NPSR1: variants seen among roughly 807,000 people sequenced by gnomAD.
NPSR1 encodes the protein neuropeptide S receptor.
NPSR1 carries 48 observed loss-of-function variants against 46.9 expected under a neutral mutation model. That is an observed-to-expected ratio of 1.02 (90% CI 0.81 to 1.30). The LOEUF is 1.30. Ranked by LOEUF, NPSR1 falls within the 50% of genes most tolerant of loss-of-function variation. The pLI is 0.00. For synonymous variants in NPSR1, 176 were observed against 168.1 expected (o/e 1.05, Z -0.36); for missense variants, 450 against 449.5 (o/e 1.00, Z -0.01).
intron 2 of NPSR1, chr7:34,751,036 G>A (rs982257364): frequency 2.6e-6 from 2 of 773,868 alleles, no homozygotes; most frequent in Non-Finnish European, 4.8e-6. Context: ...TGAGACTCAG[G>A]GTTGATGAGC....
chr7:34,675,818 G>A (rs1792285284), intron 1 of NPSR1, among the ~76,000 whole-genome samples: 1 of 152,250 alleles, frequency 6.6e-6, no homozygotes, highest in Non-Finnish European at 1.5e-5. Context: ...AAGCCAATCA[G>A]TCATGTGCCA....
At chr7:34,823,706 G>A (rs570620713) in intron 4 of NPSR1, among the ~76,000 whole-genome samples, 3 of 152,152 alleles carry the variant, frequency 2.0e-5, no homozygotes, top group East Asian at 3.9e-4. Flanking sequence ...GAGAAAAATA[G>A]ATGAATATAA....
chr7:34,664,476 G>A (rs538183974), intron 1 of NPSR1, among the ~76,000 whole-genome samples: 3 of 152,176 alleles, frequency 2.0e-5, no homozygotes, highest in Non-Finnish European at 2.9e-5. Flanking sequence ...GAGAGGTGAG[G>A]AGGCAGCATT....
intron 2 of NPSR1, among the ~76,000 whole-genome samples, chr7:34,729,370 T>C (rs533752046): frequency 5.3e-5 from 8 of 152,156 alleles, no homozygotes; most frequent in East Asian, 3.9e-4. Context: ...TGAAAGATCA[T>C]GAAAAAATTG....
At chr7:34,705,099 C>T (rs972206323) in intron 2 of NPSR1, among the ~76,000 whole-genome samples, 19 of 151,942 alleles carry the variant, frequency 1.3e-4, no homozygotes, top group African/African-American at 3.1e-4. Context: ...GCCTGTTTAA[C>T]GTATGATAGA....
intron 1 of NPSR1, among the ~76,000 whole-genome samples, chr7:34,666,367 C>A (rs1165985874): frequency 6.6e-6 from 1 of 152,166 alleles, no homozygotes; most frequent in Non-Finnish European, 1.5e-5. Flanking sequence ...TACTCACTCT[C>A]CTAGTCTCCC....
chr7:34,710,974 G>C (rs148829259), intron 2 of NPSR1: 1 of 356,448 alleles, frequency 2.8e-6, no homozygotes, highest in Non-Finnish European at 5.4e-6. Context: ...AAATGGCTAG[G>C]ATGGCAAGAA....
chr7:34,842,417 T>C (rs1562768530), intron 6 of NPSR1, among the ~76,000 whole-genome samples: 1 of 152,240 alleles, frequency 6.6e-6, no homozygotes, highest in Non-Finnish European at 1.5e-5. Context: ...CATTGAAGGA[T>C]GTTTAGCAAC....
chr7:34,781,027 A>G (rs1012505515), intron 3 of NPSR1, among the ~76,000 whole-genome samples: 5 of 152,176 alleles, frequency 3.3e-5, no homozygotes, highest in Admixed American at 6.5e-5. Flanking sequence ...AAAATCTCTG[A>G]CATACTCCCA....
At chr7:34,845,053 G>A in intron 7 of NPSR1, 71 bp downstream of exon 7, 1 of 1,018,802 alleles carries the variant, frequency 9.8e-7, no homozygotes, top group Non-Finnish European at 1.6e-6. Flanking sequence ...CCTGGGACCT[G>A]GTGACAGAAA....
Position 34,808,792 on chromosome 7 carries a change from G to C in NPSR1, c.385-2978G>C, listed in dbSNP as rs182374210. ...TTTTTTTCAAAACTCTGAACATGTTGTTATAGTGTTTTCTGGCATTACTTT... is the reference window on the plus strand; with the variant it reads ...TTTTTTTCAAAACTCTGAACATGTTCTTATAGTGTTTTCTGGCATTACTTT... On this transcript the variant is annotated intron_variant, in intron 3 of 8. Transcript: ENST00000360581. Among the ~76,000 whole-genome samples the C allele has an allele frequency of 1.7e-4, 26 of 152,146 alleles. No individual in the cohort carries two copies. The East Asian group carries it at 4.8e-3, about 28-fold the overall frequency.
chr7:34,827,352 C>CA, intron 4 of NPSR1, 49 bp from the exon 5 acceptor site: 1 of 1,564,744 alleles, frequency 6.4e-7, no homozygotes, highest in Non-Finnish European at 8.8e-7. Flanking sequence ...ATTGTGCTCC[C>CA]AAAAATGGTT....
chr7:34,872,845 G>T (rs560927738), intron 8 of NPSR1, among the ~76,000 whole-genome samples: 3 of 151,808 alleles, frequency 2.0e-5, no homozygotes, highest in Non-Finnish European at 4.4e-5. Flanking sequence ...TGAGATTTGG[G>T]TGAGGACACA....
At chr7:34,822,299 G>A (rs1789596357) in intron 4 of NPSR1, among the ~76,000 whole-genome samples, 1 of 152,212 alleles carries the variant, frequency 6.6e-6, no homozygotes, top group Admixed American at 6.5e-5. Context: ...GTAGAAAGAA[G>A]AGATTCCCCG....
intron 2 of NPSR1, among the ~76,000 whole-genome samples, chr7:34,730,044 G>A (rs1784349206): frequency 6.6e-6 from 1 of 152,186 alleles, no homozygotes; most frequent in African/African-American, 2.4e-5. Context: ...AAAGTGCTGG[G>A]ATTACAGACA....
intron 2 of NPSR1, among the ~76,000 whole-genome samples, chr7:34,748,366 C>T (rs1353001332): frequency 6.6e-6 from 1 of 152,234 alleles, no homozygotes; most frequent in Admixed American, 6.5e-5. Context: ...CCACTTCACA[C>T]TCAGGCCATG....
At chr7:34,851,699 C>A (rs774994070), downstream of NPSR1, among the ~76,000 whole-genome samples, 15 of 152,200 alleles carry the variant, frequency 9.9e-5, no homozygotes, top group Non-Finnish European at 1.6e-4. Flanking sequence ...TGCTTTAATT[C>A]TTTGTCAAGT....
At chr7:34,759,215 C>T (rs1185417754) in intron 2 of NPSR1, among the ~76,000 whole-genome samples, 2 of 152,166 alleles carry the variant, frequency 1.3e-5, no homozygotes, top group African/African-American at 4.8e-5. Flanking sequence ...ACTCCTTAAA[C>T]TTTCACTCAC....
intron 2 of NPSR1, among the ~76,000 whole-genome samples, chr7:34,763,094 C>A (rs1583971056): frequency 6.6e-6 from 1 of 152,184 alleles, no homozygotes; most frequent in Non-Finnish European, 1.5e-5. Flanking sequence ...ATCTAGCAAG[C>A]ACTGAGTATC....
Sources: gnomAD v4.1 joint callset for allele counts (sites outside exome capture counted in the v4.1 genomes callset) on GRCh38, gnomAD v4.1.1 for gene constraint, MANE v1.5 for transcripts, NCBI Gene and HGNC (gene_info 2026-07-23, HGNC 2026-07-21) for gene names.